The following OIT3 variants were observed in gnomAD, a reference collection of about 807,000 sequenced individuals.
The protein encoded by OIT3 is oncoprotein induced transcript 3, also known as oncoprotein-induced transcript 3 protein.
A neutral mutation model predicts 52.2 loss-of-function variants in OIT3; 41 were observed. The ratio of observed to expected loss-of-function variants is 0.79; its 90% CI spans 0.61 to 1.02. OIT3 has a LOEUF of 1.02. OIT3 is among the 50% of genes least tolerant of loss of function. The pLI is 0.00. For missense variants in OIT3, 634 were observed against 715.5 expected (o/e 0.89, Z 1.30); for synonymous variants, 244 against 276.9 (o/e 0.88, Z 1.18).
chr10:72,913,698 C>T (rs746097908), intron 6 of OIT3: 1 of 634,382 alleles, frequency 1.6e-6, no homozygotes, highest in South Asian at 1.5e-5. Flanking sequence ...AGTCCCATCT[C>T]TCCAGCATGC....
At chr10:72,927,051 A>T (rs1193178707) in intron 7 of OIT3, among the ~76,000 whole-genome samples, 1 of 152,244 alleles carries the variant, frequency 6.6e-6, no homozygotes, top group Non-Finnish European at 1.5e-5. Context: ...CACTGAGAAA[A>T]ACGTAACCTA....
At position 72,930,646 on chromosome 10, in the gene OIT3, A is replaced by G; in HGVS notation, c.1467+9A>G. ...TGGGCAAAGACCACAAGGTGAGTTG[A>G]ACATCTTTAATTTATAACCCCTGAA... On this transcript the variant is annotated intron_variant, in intron 8 of 8. Transcript: ENST00000334011. 1.3e-6 allele frequency: 2 copies of G among 1,537,854 alleles called. No homozygotes were observed. Among genetic ancestry groups the G allele is most frequent in the East Asian group, 4.5e-5 (2 of 44,442 alleles).
At chr10:72,929,240 A>G (rs1199811725) in intron 7 of OIT3, among the ~76,000 whole-genome samples, 1 of 151,174 alleles carries the variant, frequency 6.6e-6, no homozygotes, top group African/African-American at 2.5e-5. Context: ...AAGAAAAAGA[A>G]GTGGCCTGTG....
intron 6 of OIT3, among the ~76,000 whole-genome samples, chr10:72,916,583 T>A (rs1441646678): frequency 6.6e-6 from 1 of 152,198 alleles, no homozygotes; most frequent in East Asian, 1.9e-4. Context: ...ATTGATGGCA[T>A]TTAGGTTGAT....
intron 5 of OIT3, among the ~76,000 whole-genome samples, chr10:72,912,075 T>C (rs979131775): frequency 1.3e-5 from 2 of 152,148 alleles, no homozygotes; most frequent in African/African-American, 4.8e-5. Context: ...TTTTGACTGC[T>C]TTCTATGGTT....
At chr10:72,900,866 G>T (rs1456057972) in intron 3 of OIT3, among the ~76,000 whole-genome samples, 6 of 152,110 alleles carry the variant, frequency 3.9e-5, no homozygotes, top group African/African-American at 1.4e-4. Flanking sequence ...CCAGGAGTTT[G>T]AGACCACCCT....
rs558444628 is a variant in OIT3, at chr10:72,899,703, T to TA, written c.436+665_436+666insA. On this transcript the variant is annotated intron_variant, in intron 2 of 8. Coordinates refer to ENST00000334011, the MANE Select transcript of OIT3 (RefSeq NM_152635.3). ...AGAACCCCTTTTTAAGATAGATAGA[T>TA]GATAGATAGATAGATAGATAGATAG... 3.0e-3 allele frequency among the ~76,000 whole-genome samples: 437 copies of TA among 144,950 alleles called. 3 individuals are homozygous for TA. Among genetic ancestry groups the TA allele is most frequent in the African/African-American group, 0.011 (406 of 38,582 alleles).
intron 1 of OIT3, among the ~76,000 whole-genome samples, chr10:72,895,604 A>G (rs1355089653): frequency 6.6e-6 from 1 of 152,164 alleles, no homozygotes; most frequent in African/African-American, 2.4e-5. Flanking sequence ...TTCCCGACCA[A>G]GCTCAGGCAC....
intron 3 of OIT3, among the ~76,000 whole-genome samples, chr10:72,901,187 T>A (rs942521758): frequency 1.3e-5 from 2 of 152,150 alleles, no homozygotes; most frequent in Non-Finnish European, 2.9e-5. Context: ...TTTTAAAAAA[T>A]TTTAATATGA....
At chr10:72,899,582 T>A in intron 2 of OIT3, among the ~76,000 whole-genome samples, 2 of 135,822 alleles carry the variant, frequency 1.5e-5, no homozygotes, top group Non-Finnish European at 1.5e-5. Context: ...GGTGACAGAG[T>A]GAGACTCTGA....
At chr10:72,899,752 GATAGATGA>G (rs1322537476) in intron 2 of OIT3, among the ~76,000 whole-genome samples, 2 of 133,092 alleles carry the variant, frequency 1.5e-5, no homozygotes, top group African/African-American at 6.5e-5. Flanking sequence ...TAGATAGATA[GATAGATGA>G]TAGATAGATA....
At chr10:72,925,903 G>C (rs1056544667) in intron 7 of OIT3, among the ~76,000 whole-genome samples, 1 of 152,200 alleles carries the variant, frequency 6.6e-6, no homozygotes, top group Non-Finnish European at 1.5e-5. Flanking sequence ...CACCATGTTT[G>C]GCCCCTGCAC....
intron 8 of OIT3, 113 bp from the exon 9 acceptor site, chr10:72,932,241 C>G (rs1846222501): frequency 1.0e-6 from 1 of 953,978 alleles, no homozygotes; most frequent in African/African-American, 1.6e-5. Context: ...TGTGGATGTC[C>G]TTGTTAAGAT....
At chr10:72,926,174 G>A (rs761168641) in intron 7 of OIT3, among the ~76,000 whole-genome samples, 11 of 152,214 alleles carry the variant, frequency 7.2e-5, no homozygotes, top group Non-Finnish European at 1.3e-4. Context: ...GAGCAGCTCA[G>A]CACCCTCGGG....
intron 6 of OIT3, among the ~76,000 whole-genome samples, chr10:72,922,052 A>G (rs1240985232): frequency 1.3e-5 from 2 of 152,054 alleles, no homozygotes. Flanking sequence ...TGAAGGGTCC[A>G]CTGTTAGTCT....
intron 1 of OIT3, 30 bp downstream of exon 1, chr10:72,893,889 T>A: frequency 6.4e-7 from 1 of 1,573,368 alleles, no homozygotes; most frequent in Non-Finnish European, 8.7e-7. Context: ...CTTGGCACAA[T>A]GCACTTTTTG....
At chr10:72,915,223 G>T (rs1315002731) in intron 6 of OIT3, among the ~76,000 whole-genome samples, 1 of 151,958 alleles carries the variant, frequency 6.6e-6, no homozygotes, top group Admixed American at 6.6e-5. Context: ...AGAGCTAGGC[G>T]GTATAATACC....
chr10:72,915,244 A>G (rs1846063156), intron 6 of OIT3, among the ~76,000 whole-genome samples: 3 of 152,204 alleles, frequency 2.0e-5, no homozygotes, highest in Admixed American at 6.5e-5. Flanking sequence ...AATAGTTAGA[A>G]TATAAAGCCA....
In OIT3 at chr10:72,932,955, C is replaced by T. The variant is rs755996015; in HGVS notation, c.*431C>T. 2 of 156,796 alleles carry T rather than the reference C, an allele frequency of 1.3e-5. No homozygotes were observed. Among genetic ancestry groups the T allele is most frequent in the Non-Finnish European group, 2.8e-5 (2 of 71,480 alleles). The allele number at this position is 156,796 out of a possible 1,614,324, so 9.7% of individuals were successfully genotyped here. A position where few individuals can be genotyped will look rare whatever the true frequency, so the allele number is the denominator to read the frequency against. ...CTTAAATATGTAAATTATAGTTATA[C>T]CTTGAAATTTCAATTCAAATGCAGA... On this transcript the variant is annotated 3_prime_UTR_variant, in exon 9 of 9. Coordinates refer to ENST00000334011, the MANE Select transcript of OIT3 (RefSeq NM_152635.3).
Sources: allele counts gnomAD v4.1 joint callset (sites outside exome capture counted in the v4.1 genomes callset), GRCh38; gene constraint gnomAD v4.1.1; transcripts MANE v1.5; gene names NCBI Gene and HGNC (gene_info 2026-07-23, HGNC 2026-07-21).